LRMDA: variants seen among roughly 807,000 people sequenced by gnomAD.
LRMDA encodes leucine-rich melanocyte differentiation-associated protein.
In LRMDA, 18 loss-of-function variants were observed where a neutral mutation model predicts 29.8. That is an observed-to-expected ratio of 0.60 (90% CI 0.42 to 0.90). The LOEUF is 0.90. Among genes scored for constraint, LRMDA ranks in the 40% least tolerant of loss-of-function variants. The probability of loss-of-function intolerance (pLI) is 0.00; values close to 1 mark genes in which losing one functional copy is unlikely to be tolerated. For synonymous variants in LRMDA, 125 were observed against 109.4 expected, an observed-to-expected ratio of 1.14 and a Z score of -0.89; for missense variants, 273 against 273.9, an observed-to-expected ratio of 1.00 and a Z score of 0.02.
intron 2 of LRMDA, among the ~76,000 whole-genome samples, chr10:75,860,832 T>G (rs934723788): frequency 3.9e-5 from 6 of 152,182 alleles, no homozygotes; most frequent in Non-Finnish European, 8.8e-5. Context: ...TGTTATACAC[T>G]GGGGAAGAAC....
chr10:76,239,677 T>C (rs953391704), intron 5 of LRMDA, among the ~76,000 whole-genome samples: 3 of 152,182 alleles, frequency 2.0e-5, no homozygotes, highest in African/African-American at 7.2e-5. Context: ...CTGCTTTGGC[T>C]GGTTGCCTCC....
At chr10:75,552,596 T>C in intron 2 of LRMDA, 1 of 465,972 alleles carries the variant, frequency 2.1e-6, no homozygotes, top group South Asian at 1.6e-5. Context: ...TGAGGTTCTT[T>C]GAACTGTGGT....
At chr10:76,291,300 A>T (rs573772408) in intron 5 of LRMDA, among the ~76,000 whole-genome samples, 49 of 152,322 alleles carry the variant, frequency 3.2e-4, no homozygotes, top group African/African-American at 1.2e-3. Flanking sequence ...AGTCACAATC[A>T]TCTGGGATAT....
chr10:75,829,441 C>T (rs1844302182), intron 2 of LRMDA, among the ~76,000 whole-genome samples: 1 of 152,112 alleles, frequency 6.6e-6, no homozygotes. Flanking sequence ...TCTGAGAATG[C>T]AGTTTTAAAA....
chr10:76,196,967 T>C (rs1215904976), intron 5 of LRMDA, among the ~76,000 whole-genome samples: 3 of 152,192 alleles, frequency 2.0e-5, no homozygotes, highest in Admixed American at 6.5e-5. Context: ...AAAATGGTCC[T>C]TTCTCTTTTT....
At chr10:75,540,059 T>C (rs1589174803) in intron 2 of LRMDA, among the ~76,000 whole-genome samples, 1 of 152,286 alleles carries the variant, frequency 6.6e-6, no homozygotes, top group East Asian at 1.9e-4. Flanking sequence ...TATAATCTAG[T>C]GAGGAGCAGA....
intron 2 of LRMDA, among the ~76,000 whole-genome samples, chr10:75,790,639 A>G (rs1198839955): frequency 6.6e-6 from 1 of 152,212 alleles, no homozygotes; most frequent in Non-Finnish European, 1.5e-5. Flanking sequence ...TCTTATGAAA[A>G]CCAAAAGCAG....
intron 5 of LRMDA, among the ~76,000 whole-genome samples, chr10:76,207,951 G>C (rs895470903): frequency 2.0e-5 from 3 of 151,918 alleles, no homozygotes; most frequent in Non-Finnish European, 4.4e-5. Flanking sequence ...GTGACAGAAC[G>C]AGACTCCATC....
chr10:76,360,398 A>G (rs1841296725), intron 6 of LRMDA, among the ~76,000 whole-genome samples: 1 of 152,266 alleles, frequency 6.6e-6, no homozygotes, highest in South Asian at 2.1e-4. Context: ...TCTTTAGCTC[A>G]TCTAAGATAC....
chr10:76,402,706 G>A (rs1233734340), intron 6 of LRMDA, among the ~76,000 whole-genome samples: 1 of 152,278 alleles, frequency 6.6e-6, no homozygotes, highest in Non-Finnish European at 1.5e-5. Flanking sequence ...GACACAGCTT[G>A]CCTCTGGGCT....
rs542378575 is a variant in LRMDA at position 76,549,978 on chromosome 10, A to C, written c.602-7231A>C. On this transcript the variant is annotated intron_variant, in intron 6 of 6. Transcript: ENST00000611255. ...ATTTAGATCTGCAATATTTTACTCA[A>C]GAAAATGGGACTTTGTAAAAATAAA... Among the ~76,000 whole-genome samples, 5 of 152,332 alleles carry C rather than the reference A, an allele frequency of 3.3e-5. No homozygotes were observed. The South Asian group carries it at 1.0e-3, about 32-fold the overall frequency.
At chr10:75,792,076 G>T (rs1247469022) in intron 2 of LRMDA, among the ~76,000 whole-genome samples, 2 of 151,730 alleles carry the variant, frequency 1.3e-5, no homozygotes, top group Non-Finnish European at 1.5e-5. Context: ...AGTCAGGATG[G>T]TCTCCATCTC....
chr10:75,692,923 G>A (rs555580828), intron 2 of LRMDA, among the ~76,000 whole-genome samples: 1 of 152,242 alleles, frequency 6.6e-6, no homozygotes, highest in South Asian at 2.1e-4. Flanking sequence ...GGGATCATCT[G>A]CTTTGATTCT....
chr10:75,808,435 C>T lies in LRMDA; in HGVS notation c.132-227573C>T, dbSNP rs547928449. Among the ~76,000 whole-genome samples, 9 of 152,288 alleles carry T rather than the reference C, an allele frequency of 5.9e-5. No individual in the cohort carries two copies. The East Asian group carries it at 1.7e-3, about 29-fold the overall frequency. On this transcript the variant is annotated intron_variant, in intron 2 of 6. Coordinates refer to ENST00000611255, the MANE Select transcript of LRMDA (RefSeq NM_001305581.2). ...GTTCCAGAAAAAGGAAGGTGGTGCC[C>T]TGCACTCAAACTTTTTCTTTTCTAT...
At chr10:76,296,900 T>C (rs1343634977) in intron 5 of LRMDA, among the ~76,000 whole-genome samples, 3 of 152,206 alleles carry the variant, frequency 2.0e-5, no homozygotes, top group African/African-American at 7.2e-5. Flanking sequence ...TTCTAGCACA[T>C]AGCAGGAAGT....
At chr10:76,316,600 A>T (rs1362109925) in intron 5 of LRMDA, among the ~76,000 whole-genome samples, 1 of 152,212 alleles carries the variant, frequency 6.6e-6, no homozygotes, top group African/African-American at 2.4e-5. Flanking sequence ...CACCCTAAGG[A>T]TCCTGTGACA....
At chr10:76,526,003 G>C (rs1843170809) in intron 6 of LRMDA, among the ~76,000 whole-genome samples, 1 of 152,112 alleles carries the variant, frequency 6.6e-6, no homozygotes, top group African/African-American at 2.4e-5. Context: ...ATGAACAGAA[G>C]TATTAGATTC....
intron 6 of LRMDA, among the ~76,000 whole-genome samples, chr10:76,394,398 A>G (rs891774935): frequency 6.6e-6 from 1 of 152,156 alleles, no homozygotes; most frequent in Non-Finnish European, 1.5e-5. Context: ...TTCACTGGCA[A>G]TCATATATTT....
chr10:76,250,840 A>G (rs1852466253), intron 5 of LRMDA, among the ~76,000 whole-genome samples: 1 of 152,158 alleles, frequency 6.6e-6, no homozygotes, highest in Admixed American at 6.5e-5. Flanking sequence ...GGACCTGTCA[A>G]AGTAGAATTA....
Sources: gnomAD v4.1 joint callset for allele counts (sites outside exome capture counted in the v4.1 genomes callset) on GRCh38, gnomAD v4.1.1 for gene constraint, MANE v1.5 for transcripts, NCBI Gene and HGNC (gene_info 2026-07-23, HGNC 2026-07-21) for gene names.